The following RILPL1 variants were observed in gnomAD, a reference collection of about 807,000 sequenced individuals.
RILPL1 encodes RILP-like protein 1.
Under a neutral mutation model 50.3 loss-of-function variants are expected in RILPL1, and 33 were observed. The ratio of observed to expected loss-of-function variants is 0.66; its 90% confidence interval spans 0.50 to 0.88. The LOEUF is 0.88. Ranked by LOEUF, RILPL1 falls within the 40% of genes least tolerant of loss-of-function variation. The pLI is 0.00. For synonymous variants in RILPL1, 205 were observed against 228.6 expected, an observed-to-expected ratio of 0.90 and a Z score of 0.93; for missense variants, 418 against 542.5, an observed-to-expected ratio of 0.77 and a Z score of 2.28.
chr12:123,484,152 G>A (rs1882170946), intron 6 of RILPL1, 28 bp downstream of exon 6: 8 of 1,507,904 alleles, frequency 5.3e-6, no homozygotes, highest in Non-Finnish European at 7.3e-6. Flanking sequence ...GGTCAGCCGA[G>A]CGCAGAAGCT....
intron 2 of RILPL1, among the ~76,000 whole-genome samples, chr12:123,504,495 A>G (rs1208462286): frequency 1.3e-5 from 2 of 151,908 alleles, no homozygotes; most frequent in African/African-American, 4.8e-5. Context: ...TTGGGATTTT[A>G]TATGATCGTC....
chr12:123,488,894 G>A (rs1358247993), intron 4 of RILPL1, among the ~76,000 whole-genome samples: 1 of 152,184 alleles, frequency 6.6e-6, no homozygotes, highest in Non-Finnish European at 1.5e-5. Flanking sequence ...TATTCTAGGC[G>A]TCTGCTGATG....
chr12:123,506,073 G>A (rs1449812558), intron 2 of RILPL1, among the ~76,000 whole-genome samples: 1 of 152,248 alleles, frequency 6.6e-6, no homozygotes, highest in Non-Finnish European at 1.5e-5. Context: ...TGAGTGCCGT[G>A]ACGGATGTGA....
rs1023611310 is a variant in RILPL1 at position 123,491,503 on chromosome 12, C to T, written c.802-5698G>A. On this transcript the variant is annotated intron_variant, in intron 4 of 6. Coordinates refer to ENST00000376874, the MANE Select transcript of RILPL1 (RefSeq NM_178314.5). This position sits in a 1 kb window ranked among gnomAD's most constrained non-coding sequence, Gnocchi z 4.0. ...TCACTGCCTGGGTGCCTCAAAGCAC[C>T]CTGCCCTCCCACGGCAGCCCCTTCA... is the stretch of plus-strand genomic sequence containing the variant. Among the ~76,000 whole-genome samples, 2 of 152,198 alleles carry T rather than the reference C, an allele frequency of 1.3e-5. No homozygotes were observed. Among genetic ancestry groups the T allele is most frequent in the African/African-American group, 2.4e-5 (1 of 41,458 alleles).
In RILPL1 at chr12:123,533,122, TG is replaced by T. The variant is rs954352756; in HGVS notation, c.309+51del. 2 of 1,472,772 alleles carry T rather than the reference TG, an allele frequency of 1.4e-6. No individual in the cohort carries two copies. Among genetic ancestry groups the T allele is most frequent in the African/African-American group, 2.8e-5 (2 of 71,944 alleles). The allele number at this position is 1,472,772 out of a possible 1,614,324, so 91.2% of individuals were successfully genotyped here. ...CAGCTGCCCAATGCGGAAGAGCCCT[TG>T]GGTCCCCGCGGTCCCACTGCCCGGA... On this transcript the variant is annotated intron_variant, in intron 1 of 6. Transcript: ENST00000376874. The surrounding 1 kb of genome is among the most constrained non-coding windows in gnomAD (Gnocchi z 6.2).
chr12:123,515,293 T>G (rs1347075907), intron 2 of RILPL1: 1 of 152,104 alleles, frequency 6.6e-6, no homozygotes, highest in Non-Finnish European at 1.5e-5. Context: ...TTTCTTTTAT[T>G]TTGAAAACAA....
At chr12:123,505,129 C>G (rs1178969333) in intron 2 of RILPL1, among the ~76,000 whole-genome samples, 2 of 152,196 alleles carry the variant, frequency 1.3e-5, no homozygotes, top group Non-Finnish European at 2.9e-5. Flanking sequence ...CAACCTCTAC[C>G]TCCTCAGTTC....
intron 6 of RILPL1, chr12:123,474,920 TCTAC>T (rs1881489016): frequency 6.6e-6 from 1 of 152,274 alleles, no homozygotes; most frequent in Admixed American, 6.6e-5. Context: ...ACACTCACTT[TCTAC>T]CAGGAATAAA....
At chr12:123,512,757 GGTAT>G (rs1405034527) in intron 2 of RILPL1, among the ~76,000 whole-genome samples, 14 of 127,114 alleles carry the variant, frequency 1.1e-4, no homozygotes, top group African/African-American at 3.3e-4. Context: ...GTGTGTGTGT[GGTAT>G]GTGTGAGGTC....
At chr12:123,526,929 G>A (rs1885283432) in intron 1 of RILPL1, among the ~76,000 whole-genome samples, 1 of 152,182 alleles carries the variant, frequency 6.6e-6, no homozygotes, top group Non-Finnish European at 1.5e-5. Context: ...TCAGTCAAGT[G>A]TAACTGGCTG....
intron 2 of RILPL1, among the ~76,000 whole-genome samples, chr12:123,516,042 A>AAAAT (rs1441203835): frequency 6.8e-6 from 1 of 147,406 alleles, no homozygotes; most frequent in African/African-American, 2.6e-5. Flanking sequence ...TCAAAAAAAA[A>AAAAT]AAAAAAAAAA....
intron 2 of RILPL1, among the ~76,000 whole-genome samples, chr12:123,517,441 T>TC (rs1884770749): frequency 7.9e-6 from 1 of 127,370 alleles, no homozygotes; most frequent in South Asian, 2.4e-4. Flanking sequence ...TTTTTTTTTT[T>TC]TGCGAGTCTC....
intron 2 of RILPL1, among the ~76,000 whole-genome samples, chr12:123,519,028 G>C (rs1457217987): frequency 8.2e-6 from 1 of 122,068 alleles, no homozygotes; most frequent in Non-Finnish European, 1.6e-5. Flanking sequence ...CTGCACTCCA[G>C]CCTAGGCGAC....
chr12:123,533,353 G>A lies in RILPL1; in HGVS notation c.130C>T (p.Gln44Ter), dbSNP rs1332017659. 1.3e-6 allele frequency: 2 copies of A among 1,578,010 alleles called. No individual in the cohort carries two copies. Among genetic ancestry groups the A allele is most frequent in the Non-Finnish European group, 1.7e-6 (2 of 1,164,168 alleles). ...VGHEFERVIDQHGCEAIARLM... is the reference protein window; with the variant it reads ...VGHEFERVID ...CGCGCGATGGCCTCGCAGCCGTGCT[G>A]GTCAATGACCCGCTCGAACTCGTGG... Residue 44 changes from glutamine (Q) to a stop codon, truncating the protein, a stop_gained, in exon 1 of 7, where the codon CAG becomes TAG. Transcript: ENST00000376874. LOFTEE classifies it high-confidence loss of function. The surrounding 1 kb of genome is among the most constrained non-coding windows in gnomAD (Gnocchi z 6.2).
At chr12:123,521,756 T>C (rs556840787) in intron 2 of RILPL1, among the ~76,000 whole-genome samples, 16 of 143,068 alleles carry the variant, frequency 1.1e-4, no homozygotes, top group East Asian at 2.0e-4. Context: ...AATATATATA[T>C]ACACACATAT....
At chr12:123,492,886 G>A (rs771357959) in intron 4 of RILPL1, among the ~76,000 whole-genome samples, 12 of 152,186 alleles carry the variant, frequency 7.9e-5, no homozygotes, top group Non-Finnish European at 1.5e-4. Flanking sequence ...TGCTCCCAGA[G>A]ACACAAACAC....
At chr12:123,496,508 C>T (rs532913001) in intron 4 of RILPL1, among the ~76,000 whole-genome samples, 25 of 152,194 alleles carry the variant, frequency 1.6e-4, no homozygotes, top group Admixed American at 5.2e-4. Flanking sequence ...AGTGCAGCGT[C>T]TGCAAACTTT....
chr12:123,498,578 C>G lies in RILPL1; in HGVS notation c.767G>C (p.Gly256Ala). 6.2e-7 allele frequency: 1 copy of G among 1,613,648 alleles called. No homozygotes were observed. The highest frequency in any genetic ancestry group is 1.6e-4 in the Middle Eastern group (1 of 6,062). ...CTCCTCCCCATTCTGGCTGTGCTCC[C>G]CCTGCAGCCTCTCTCGCAACTTCCC... is the stretch of plus-strand genomic sequence containing the variant. ...ELGKLRERLQ[G>A]EHSQNGEEEP... is the part of the protein sequence containing the mutation. Residue 256 changes from glycine to alanine, a missense_variant, in exon 4 of 7, where the codon GGG (glycine) becomes GCG (alanine). Physicochemically the swap from Gly to Ala is moderately conservative, Grantham distance 60 (BLOSUM62 0). Coordinates refer to ENST00000376874, the MANE Select transcript of RILPL1 (RefSeq NM_178314.5). The surrounding 1 kb of genome is among the most constrained non-coding windows in gnomAD (Gnocchi z 4.3).
At chr12:123,518,849 G>A (rs1884858184) in intron 2 of RILPL1, among the ~76,000 whole-genome samples, 1 of 151,904 alleles carries the variant, frequency 6.6e-6, no homozygotes, top group Non-Finnish European at 1.5e-5. Flanking sequence ...ATGAGGTCAG[G>A]AGATCGAGAC....
Sources: allele counts gnomAD v4.1 joint callset (sites outside exome capture counted in the v4.1 genomes callset), GRCh38; gene constraint gnomAD v4.1.1; non-coding constraint Gnocchi (gnomAD v3.1); transcripts MANE v1.5; gene names NCBI Gene and HGNC (gene_info 2026-07-23, HGNC 2026-07-21).